Variants in ENTR1 observed in about 807,000 individuals in gnomAD.
ENTR1 encodes endosome associated trafficking regulator 1, also known as endosome-associated-trafficking regulator 1.
Under a neutral mutation model 47.9 loss-of-function variants are expected in ENTR1, and 47 were observed. The observed-to-expected ratio is 0.98, with a 90% confidence interval of 0.78 to 1.25. The LOEUF (loss-of-function observed/expected upper bound fraction) is 1.25. Ranked by LOEUF, ENTR1 falls within the 50% of genes most tolerant of loss-of-function variation. The pLI, the probability that ENTR1 is intolerant of heterozygous loss-of-function variation, is 0.00. For missense variants in ENTR1, 668 were observed against 570.5 expected (o/e 1.17, Z -1.74); for synonymous variants, 290 against 245.8 (o/e 1.18, Z -1.68).
At chr9:136,406,804 T>A (rs1834787949) in intron 5 of ENTR1, 1 of 192,022 alleles carries the variant, frequency 5.2e-6, no homozygotes, top group African/African-American at 2.3e-5. Context: ...ATTCAGAGCT[T>A]ATAACCTTTT....
chr9:136,405,398 C>T (rs1834717813), intron 6 of ENTR1, 196 bp from the exon 7 acceptor site: 1 of 559,598 alleles, frequency 1.8e-6, no homozygotes, highest in Non-Finnish European at 3.2e-6. Context: ...GCTCTCACAG[C>T]ACTGCTGCTC....
At chr9:136,402,967 G>A (rs1834560283) in intron 9 of ENTR1, 80 bp from the exon 10 acceptor site, 2 of 992,150 alleles carry the variant, frequency 2.0e-6, no homozygotes, top group Non-Finnish European at 3.1e-6. Flanking sequence ...AAAGGGGAGG[G>A]GTTGGTAGGG....
At chr9:136,403,378 AAGGG>A (rs1834596542) in intron 9 of ENTR1, among the ~76,000 whole-genome samples, 1 of 103,738 alleles carries the variant, frequency 9.6e-6, no homozygotes, top group Non-Finnish European at 2.2e-5. Flanking sequence ...CCGGGGGAGA[AAGGG>A]ACAGGGTCCC....
At chr9:136,403,158 G>A (rs1178166335) in intron 9 of ENTR1, among the ~76,000 whole-genome samples, 1 of 119,252 alleles carries the variant, frequency 8.4e-6, no homozygotes, top group South Asian at 3.2e-4. Flanking sequence ...GAGGAATTCC[G>A]GGGGTGGGGG....
At chr9:136,405,044 C>T (rs373513353) in intron 7 of ENTR1, 47 bp downstream of exon 7, 29 of 1,461,478 alleles carry the variant, frequency 2.0e-5, no homozygotes, top group African/African-American at 5.6e-5. Flanking sequence ...TTCTCAGGAG[C>T]GCTCCTGCCC....
In ENTR1 at chr9:136,410,352, C is replaced by A; in HGVS notation, c.46G>T (p.Ala16Ser). The change falls in exon 1 of 10, where the codon GCC becomes TCC. Residue 16 changes from alanine (A) to serine (S), a missense_variant. Transcript: ENST00000357365. ...CCGTCGGGAATGGCGAGGCTCCGGG[C>A]TCGGGACAGCGGGGTGGCGCCCGGG... ...RRPGATPLSR[A>S]RSLAIPDAPA... 6.5e-7 allele frequency: 1 copy of A among 1,539,350 alleles called. No individual in the cohort carries two copies. Among genetic ancestry groups the A allele is most frequent in the Non-Finnish European group, 8.7e-7 (1 of 1,143,734 alleles).
chr9:136,410,274 C>T, intron 1 of ENTR1, 35 bp from the exon 2 acceptor site: 1 of 1,553,032 alleles, frequency 6.4e-7, no homozygotes, highest in Non-Finnish European at 8.7e-7. Context: ...TTACTGCGTG[C>T]CGGGGCGGCC....
chr9:136,404,083 C>T lies in ENTR1; in HGVS notation c.1180G>A (p.Val394Ile), dbSNP rs1416025605. The T allele has an allele frequency of 2.5e-6, 4 of 1,612,784 alleles. No homozygotes were observed. In the African/African-American group the frequency reaches 5.3e-5, roughly 22 times the overall value. ...ADVALQNLRV[V>I]MNSAQASIKQ... ...ATGGAAGCCTGTGCACTGTTCATGACCACCCGGAGGTTCTGCAGGGCCACG... is the reference window on the plus strand; with the variant it reads ...ATGGAAGCCTGTGCACTGTTCATGATCACCCGGAGGTTCTGCAGGGCCACG... The change falls in exon 9 of 10, where the codon GTC (valine) becomes ATC (isoleucine). Residue 394 changes from valine (V) to isoleucine (I), a missense_variant. Val to Ile is a conservative substitution (Grantham distance 29). Transcript: ENST00000357365.
intron 7 of ENTR1, 67 bp downstream of exon 7, chr9:136,405,021 GGAC>G (rs1288570963): frequency 8.1e-7 from 1 of 1,229,920 alleles, no homozygotes; most frequent in Non-Finnish European, 1.2e-6. Context: ...CGGCTGCTGA[GGAC>G]AACAGCACTT....
chr9:136,409,938 C>G, intron 2 of ENTR1, 152 bp downstream of exon 2: 1 of 924,070 alleles, frequency 1.1e-6, no homozygotes, highest in Non-Finnish European at 1.7e-6. Context: ...GAGCTCCTAG[C>G]AGGGGACTCC....
chr9:136,410,406 GC>G lies in ENTR1; in HGVS notation c.-10del, dbSNP rs1337702936. The G allele has an allele frequency of 2.2e-6, 3 of 1,358,876 alleles. No homozygotes were observed. Among genetic ancestry groups the G allele is most frequent in the Non-Finnish European group, 2.8e-6 (3 of 1,064,526 alleles). The allele number at this position is 1,358,876 out of a possible 1,614,324, so 84.2% of individuals were successfully genotyped here. On this transcript the variant is annotated 5_prime_UTR_variant, in exon 1 of 10. Coordinates refer to ENST00000357365, the MANE Select transcript of ENTR1 (RefSeq NM_001039707.2). ...CGCTGGTAGCCCGACATCGCCGCCG[GC>G]CCGGCGGGGCACGACCTGCCTAGCC... is the stretch of plus-strand genomic sequence containing the variant.
chr9:136,405,331 A>AGGCAGC, intron 6 of ENTR1, 129 bp from the exon 7 acceptor site: 1 of 703,830 alleles, frequency 1.4e-6, no homozygotes, highest in Non-Finnish European at 2.4e-6. Flanking sequence ...CACAGAGGGG[A>AGGCAGC]GGCAGCGGCA....
chr9:136,402,767 G>T lies in ENTR1; in HGVS notation c.*21C>A, dbSNP rs1429850905. The T allele has an allele frequency of 1.3e-6, 2 of 1,552,816 alleles. No individual in the cohort carries two copies. Among genetic ancestry groups the T allele is most frequent in the African/African-American group, 1.4e-5 (1 of 73,626 alleles). The stretch of plus-strand genomic sequence containing the variant: ...CCTCAGGGTATACACGGAGCTTCAT[G>T]CTGAGAACACCCAGGGGTCCTCAAG... On this transcript the variant is annotated 3_prime_UTR_variant, in exon 10 of 10. Transcript: ENST00000357365.
At chr9:136,406,569 C>A (rs548048519) in intron 5 of ENTR1, among the ~76,000 whole-genome samples, 2 of 151,982 alleles carry the variant, frequency 1.3e-5, no homozygotes, top group Admixed American at 1.3e-4. Flanking sequence ...CTCCGCCTCC[C>A]GGGTTCAAGC....
Position 136,410,306 on chromosome 9 carries a change from A to ACT in ENTR1, c.70+20_70+21dup, listed in dbSNP as rs752274627. ...GGCCGCCGCCCACCTGGACCGCTGG[A>ACT]CTCGGCCCCTGCCCCGCTCACCGTC... On this transcript the variant is annotated intron_variant, in intron 1 of 9. Transcript: ENST00000357365. 2.6e-6 allele frequency: 4 copies of ACT among 1,549,558 alleles called. No individual in the cohort carries two copies. The South Asian group carries it at 4.8e-5, about 18-fold the overall frequency.
In ENTR1 at chr9:136,407,332, T is replaced by C. The variant is rs765647513; in HGVS notation, c.632A>G (p.Tyr211Cys). The stretch of plus-strand genomic sequence containing the variant: ...CGACGGGGTGGAGAAAAAGGAAAGG[T>C]ATGTGCTGCAGGGCGACGTGCCGGC... ...VPAGTSPCST[Y>C]LSFFSTPSEL... The change falls in exon 5 of 10, where the codon TAC becomes TGC. Residue 211 changes from tyrosine to cysteine, a missense_variant. Physicochemically the swap from Tyr to Cys is radical, Grantham distance 194. Transcript: ENST00000357365. 48 of 1,609,442 alleles carry C rather than the reference T, an allele frequency of 3.0e-5. No individual in the cohort carries two copies. The highest frequency in any genetic ancestry group is 4.1e-5 in the Non-Finnish European group (48 of 1,178,796).
chr9:136,410,286 C>T, intron 1 of ENTR1, 42 bp downstream of exon 1: 6 of 1,551,574 alleles, frequency 3.9e-6, no homozygotes, highest in Non-Finnish European at 5.2e-6. Context: ...GGGGCGGCCG[C>T]CGCCCACCTG....
Position 136,408,005 on chromosome 9 carries a change from C to T in ENTR1, c.290-67G>A, listed in dbSNP as rs1834866038. 4.8e-6 allele frequency: 5 copies of T among 1,044,566 alleles called. No individual in the cohort carries two copies. In the East Asian group the frequency reaches 7.2e-5, roughly 15 times the overall value. 64.7% of individuals were successfully genotyped at this position (1,044,566 alleles called of 1,614,324 possible). A position where few individuals can be genotyped will look rare whatever the true frequency, so the allele number is the denominator to read the frequency against. ...AGCGTTGAAAGGGAACCTTCCTGTT[C>T]ACCTGTCTTTCCAGAGCATGGCCAC... is the stretch of plus-strand genomic sequence containing the variant. On this transcript the variant is annotated intron_variant, in intron 3 of 9. Coordinates refer to ENST00000357365, the MANE Select transcript of ENTR1 (RefSeq NM_001039707.2).
chr9:136,404,174 C>T lies in ENTR1; in HGVS notation c.1089G>A (p.Gln363=), dbSNP rs371554989. 3 of 1,610,178 alleles carry T rather than the reference C, an allele frequency of 1.9e-6. No homozygotes were observed. The East Asian group carries it at 6.7e-5, about 36-fold the overall frequency. ...SLLQAQVSNF[Q]RENEALRCGQ... is the part of the protein sequence containing the mutation. Reference sequence around the variant, plus strand: ...CGCACCGCAGGGCTTCATTCTCTCGCTGGAAGTTGGAGACCTGCGCCTGGG... The same window carrying T: ...CGCACCGCAGGGCTTCATTCTCTCGTTGGAAGTTGGAGACCTGCGCCTGGG... The change falls in exon 9 of 10, where the codon CAG becomes CAA. Residue 363 remains glutamine, a synonymous_variant. Transcript: ENST00000357365.
Sources: allele counts gnomAD v4.1 joint callset (sites outside exome capture counted in the v4.1 genomes callset), GRCh38; gene constraint gnomAD v4.1.1; transcripts MANE v1.5; gene names NCBI Gene and HGNC (gene_info 2026-07-23, HGNC 2026-07-21).